The following PRORP variants were observed in gnomAD, a reference collection of about 807,000 sequenced individuals.
The protein encoded by PRORP is protein only RNase P catalytic subunit.
In PRORP, 51 loss-of-function variants were observed where a neutral mutation model predicts 59.4. The observed-to-expected ratio is 0.86, with a 90% confidence interval of 0.69 to 1.08. PRORP has a LOEUF of 1.08. Among genes scored for constraint, PRORP ranks in the 50% least tolerant of loss-of-function variants. The pLI is 0.00. For synonymous variants in PRORP, 231 were observed against 245.6 expected, an observed-to-expected ratio of 0.94 and a Z score of 0.55; for missense variants, 646 against 690.3, an observed-to-expected ratio of 0.94 and a Z score of 0.72.
rs779457013 is a variant in PRORP at position 35,123,456 on chromosome 14, G to A, written c.211G>A (p.Asp71Asn). 3.7e-6 allele frequency: 6 copies of A among 1,614,206 alleles called. No individual in the cohort carries two copies. In the South Asian group the frequency reaches 5.5e-5, roughly 15 times the overall value. Residue 71 changes from aspartate to asparagine, a missense_variant, in exon 2 of 8, where the codon GAT (aspartate) becomes AAT (asparagine). Physicochemically the swap from Asp to Asn is conservative, Grantham distance 23 (BLOSUM62 1). Transcript: ENST00000534898. ...TGCCAAGGCCAGATATCTCAGGAAAGATGAGGGCAGTAATAAGCAAGTTTA... is the reference window on the plus strand; with the variant it reads ...TGCCAAGGCCAGATATCTCAGGAAAAATGAGGGCAGTAATAAGCAAGTTTA... ...LIAKARYLRK[D>N]EGSNKQVYSV...
At chr14:35,264,999 A>G (rs2051005575) in intron 5 of PRORP, among the ~76,000 whole-genome samples, 1 of 152,178 alleles carries the variant, frequency 6.6e-6, no homozygotes, top group South Asian at 2.1e-4. Context: ...AAAAATAAAA[A>G]ATAAATAAAT....
At chr14:35,180,426 T>C (rs1469771545) in intron 4 of PRORP, among the ~76,000 whole-genome samples, 4 of 152,190 alleles carry the variant, frequency 2.6e-5, no homozygotes, top group Non-Finnish European at 5.9e-5. Flanking sequence ...TGAAAGTGCT[T>C]TGTGCAGTAT....
intron 4 of PRORP, among the ~76,000 whole-genome samples, chr14:35,143,631 T>TTG (rs2047534691): frequency 6.9e-6 from 1 of 144,990 alleles, no homozygotes; most frequent in African/African-American, 2.4e-5. Flanking sequence ...GACAGATAGT[T>TTG]TTTGTTTGTT....
At chr14:35,151,464 C>G (rs1056411324) in intron 4 of PRORP, among the ~76,000 whole-genome samples, 7 of 152,094 alleles carry the variant, frequency 4.6e-5, no homozygotes, top group Non-Finnish European at 8.8e-5. Context: ...GTATAGTCTT[C>G]CCTATCTCAG....
intron 5 of PRORP, among the ~76,000 whole-genome samples, chr14:35,231,450 CAGCAAAG>C (rs1379649846): frequency 1.3e-5 from 2 of 152,014 alleles, no homozygotes; most frequent in East Asian, 3.9e-4. Context: ...TTTTTATGTA[CAGCAAAG>C]AGCTATGTGT....
At chr14:35,148,152 G>A (rs2047655853) in intron 4 of PRORP, among the ~76,000 whole-genome samples, 1 of 152,218 alleles carries the variant, frequency 6.6e-6, no homozygotes, top group Non-Finnish European at 1.5e-5. Context: ...TTAGTGGCAT[G>A]TAGATCGGTG....
At chr14:35,166,145 T>C (rs2048179307) in intron 4 of PRORP, among the ~76,000 whole-genome samples, 2 of 152,184 alleles carry the variant, frequency 1.3e-5, no homozygotes, top group Non-Finnish European at 2.9e-5. Flanking sequence ...CTTAACATTC[T>C]TTTTCTTCTT....
chr14:35,256,534 G>A (rs533247481), intron 5 of PRORP, among the ~76,000 whole-genome samples: 1 of 151,626 alleles, frequency 6.6e-6, no homozygotes, highest in East Asian at 2.0e-4. Context: ...GCTTCACCAT[G>A]TTGGTCAGTC....
chr14:35,230,708 A>T (rs541388903), intron 5 of PRORP, among the ~76,000 whole-genome samples: 83 of 152,334 alleles, frequency 5.4e-4, no homozygotes, highest in African/African-American at 2.0e-3. Context: ...AAAAGCACAG[A>T]ATAGGAATAG....
intron 4 of PRORP, among the ~76,000 whole-genome samples, chr14:35,175,094 A>G (rs2048414027): frequency 6.6e-6 from 1 of 152,032 alleles, no homozygotes; most frequent in Admixed American, 6.6e-5. Flanking sequence ...ATGGCTGCAT[A>G]GGATTCCATG....
rs182261224 is a variant in PRORP at position 35,205,438 on chromosome 14, C to T, written c.1275+24661C>T. 2.5e-3 allele frequency among the ~76,000 whole-genome samples: 377 copies of T among 152,282 alleles called. 2 individuals carry two copies. Among genetic ancestry groups the T allele is most frequent in the African/African-American group, 8.5e-3 (353 of 41,560 alleles). On this transcript the variant is annotated intron_variant, in intron 5 of 7. Coordinates refer to ENST00000534898, the MANE Select transcript of PRORP (RefSeq NM_014672.4). Reference sequence around the variant, plus strand: ...CTCCTGACCTCAGGCAATCTGTCCACCTCGGCCTCCCAAATTGCTGGGATT... The same window carrying T: ...CTCCTGACCTCAGGCAATCTGTCCATCTCGGCCTCCCAAATTGCTGGGATT...
intron 7 of PRORP, among the ~76,000 whole-genome samples, chr14:35,271,421 T>G (rs2051186834): frequency 1.3e-5 from 2 of 152,052 alleles, no homozygotes; most frequent in South Asian, 4.1e-4. Context: ...CCTCCCAAAG[T>G]GCTGGGATTA....
At chr14:35,225,198 G>T (rs2049903344) in intron 5 of PRORP, among the ~76,000 whole-genome samples, 1 of 151,994 alleles carries the variant, frequency 6.6e-6, no homozygotes, top group African/African-American at 2.4e-5. Context: ...TATTTACTAG[G>T]ACTTCTGAAT....
chr14:35,188,961 A>AAAAAAAAAGAAAGAAAG (rs1555326788), intron 5 of PRORP, among the ~76,000 whole-genome samples: 3 of 132,752 alleles, frequency 2.3e-5, no homozygotes, highest in Non-Finnish European at 4.7e-5. Flanking sequence ...AAAAAAAAAA[A>AAAAAAAAAGAAAGAAAG]AAAGTATTGC....
At chr14:35,228,642 C>A (rs1417323223) in intron 5 of PRORP, among the ~76,000 whole-genome samples, 2 of 152,164 alleles carry the variant, frequency 1.3e-5, no homozygotes, top group Admixed American at 6.5e-5. Context: ...TGATTTTGTT[C>A]TTTTCTGTGG....
intron 4 of PRORP, among the ~76,000 whole-genome samples, chr14:35,148,480 A>G (rs2047664319): frequency 6.6e-6 from 1 of 152,158 alleles, no homozygotes; most frequent in Non-Finnish European, 1.5e-5. Context: ...CATGCTGTAG[A>G]CAGATGTGCT....
chr14:35,272,235 A>G, intron 7 of PRORP, among the ~76,000 whole-genome samples: 1 of 152,228 alleles, frequency 6.6e-6, no homozygotes, highest in Non-Finnish European at 1.5e-5. Flanking sequence ...AATGAGCTCA[A>G]TTTAGCTATT....
chr14:35,147,528 C>T (rs914865938), intron 4 of PRORP, among the ~76,000 whole-genome samples: 4 of 151,996 alleles, frequency 2.6e-5, no homozygotes, highest in African/African-American at 9.7e-5. Context: ...AATTTTTTGT[C>T]GAGCTGGGGT....
chr14:35,150,610 A>G (rs11156875), intron 4 of PRORP, among the ~76,000 whole-genome samples: 30,985 of 152,136 alleles, frequency 0.2, 3,339 homozygotes, highest in East Asian at 0.37. Context: ...TCTTTTATGT[A>G]ACACTTGACT....
Sources: allele counts gnomAD v4.1 joint callset (sites outside exome capture counted in the v4.1 genomes callset), GRCh38; gene constraint gnomAD v4.1.1; transcripts MANE v1.5; gene names NCBI Gene and HGNC (gene_info 2026-07-23, HGNC 2026-07-21).